The following OPA1 variants were observed in gnomAD, a reference collection of about 807,000 sequenced individuals.
OPA1 encodes the protein dynamin-like GTPase OPA1, mitochondrial.
OPA1 carries 59 observed loss-of-function variants against 152.9 expected under a neutral mutation model. The ratio of observed to expected loss-of-function variants is 0.39; its 90% confidence interval spans 0.31 to 0.48. OPA1 has a LOEUF of 0.48. Ranked by LOEUF, OPA1 falls within the 20% of genes least tolerant of loss-of-function variation. OPA1 has a pLI of 0.96. For missense variants in OPA1, 1,008 were observed against 1,216.8 expected, an observed-to-expected ratio of 0.83 and a Z score of 2.55; for synonymous variants, 400 against 389.9, an observed-to-expected ratio of 1.03 and a Z score of -0.31.
At chr3:193,671,473 T>C (rs1282646231) in intron 29 of OPA1, among the ~76,000 whole-genome samples, 2 of 152,204 alleles carry the variant, frequency 1.3e-5, no homozygotes, top group African/African-American at 4.8e-5. Flanking sequence ...TAAAACTAAA[T>C]GCAATGTATG....
At chr3:193,685,458 C>T (rs1282267815) in intron 29 of OPA1, among the ~76,000 whole-genome samples, 1 of 152,100 alleles carries the variant, frequency 6.6e-6, no homozygotes, top group Admixed American at 6.6e-5. Flanking sequence ...TTTAAATAAT[C>T]ACCTTTAATG....
rs532439820 is a variant in OPA1, at chr3:193,593,264, C to T, written c.-114C>T. The T allele has an allele frequency of 1.3e-4, 143 of 1,119,970 alleles. No homozygotes were observed. In the African/African-American group the frequency reaches 2.1e-3, roughly 17 times the overall value. The allele number at this position is 1,119,970 out of a possible 1,614,324, so 69.4% of individuals were successfully genotyped here. A position where few individuals can be genotyped will look rare whatever the true frequency, so the allele number is the denominator to read the frequency against. ...AGGGCCTCGGCCGCGGCTCTGTGCC[C>T]TTGCTGCTGAGGGCCACTTCCTGGG... On this transcript the variant is annotated 5_prime_UTR_variant, in exon 1 of 31. Transcript: ENST00000361510.
At chr3:193,651,581 T>C (rs1289995379) in intron 21 of OPA1, among the ~76,000 whole-genome samples, 1 of 152,214 alleles carries the variant, frequency 6.6e-6, no homozygotes, top group East Asian at 1.9e-4. Flanking sequence ...GCAATTTATG[T>C]GTCCCATTTG....
At chr3:193,597,108 A>G (rs1455992699) in intron 1 of OPA1, among the ~76,000 whole-genome samples, 2 of 152,180 alleles carry the variant, frequency 1.3e-5, no homozygotes, top group South Asian at 2.1e-4. Context: ...GTGGATGGTA[A>G]TGGAGGAAAT....
At chr3:193,658,287 T>G (rs1714401026) in intron 23 of OPA1, among the ~76,000 whole-genome samples, 1 of 151,824 alleles carries the variant, frequency 6.6e-6, no homozygotes, top group African/African-American at 2.4e-5. Flanking sequence ...TATTTATTCT[T>G]GTTAAATGCC....
chr3:193,669,255 T>G (rs1717382882), intron 29 of OPA1, among the ~76,000 whole-genome samples: 1 of 152,228 alleles, frequency 6.6e-6, no homozygotes, highest in Non-Finnish European at 1.5e-5. Context: ...CTCCCTCTAG[T>G]AATAATCTAA....
At chr3:193,611,272 T>C (rs891364487) in intron 1 of OPA1, among the ~76,000 whole-genome samples, 3 of 152,160 alleles carry the variant, frequency 2.0e-5, no homozygotes, top group Non-Finnish European at 2.9e-5. Context: ...TTATTAGCCT[T>C]TTGAGGTTTT....
chr3:193,631,722 CTT>C (rs1732109498), intron 8 of OPA1, 57 bp downstream of exon 8: 1 of 1,436,946 alleles, frequency 7.0e-7, no homozygotes, highest in South Asian at 1.2e-5. Flanking sequence ...TCGAATGTAA[CTT>C]TGGTGATATG....
chr3:193,678,116 A>T (rs1327508720), intron 29 of OPA1, among the ~76,000 whole-genome samples: 3 of 152,184 alleles, frequency 2.0e-5, no homozygotes, highest in Non-Finnish European at 4.4e-5. Context: ...TCATTCATCT[A>T]TTCTCTAGTT....
intron 7 of OPA1, 24 bp downstream of exon 7, chr3:193,626,226 A>G (rs1187191488): frequency 2.6e-6 from 4 of 1,527,636 alleles, no homozygotes; most frequent in Admixed American, 1.7e-5. Flanking sequence ...TAAGGGGGCT[A>G]CCGATACATT....
intron 4 of OPA1, among the ~76,000 whole-genome samples, chr3:193,617,571 T>C (rs1729249494): frequency 6.6e-6 from 1 of 152,230 alleles, no homozygotes; most frequent in African/African-American, 2.4e-5. Context: ...TCCTATGTAT[T>C]TGCTTTTCAT....
rs758550565 is a variant in OPA1, at chr3:193,643,357, T to C, written c.1306-16T>C. 1 of 1,594,366 alleles carries C rather than the reference T, an allele frequency of 6.3e-7. No homozygotes were observed. Among genetic ancestry groups the C allele is most frequent in the South Asian group, 1.1e-5 (1 of 90,348 alleles). On this transcript the variant is annotated splice_polypyrimidine_tract_variant and intron_variant, in intron 13 of 30. Transcript: ENST00000361510. ...CCAAACTTTAGCATTGTTTTATTTT[T>C]ATTTTTCCTGAGTAGACCATATCCT...
intron 29 of OPA1, among the ~76,000 whole-genome samples, chr3:193,682,245 A>G (rs1245505393): frequency 6.6e-6 from 1 of 152,220 alleles, no homozygotes; most frequent in Non-Finnish European, 1.5e-5. Context: ...TCCTAACTCT[A>G]TTCAATTCTC....
chr3:193,687,844 G>A (rs1721122183), intron 29 of OPA1, among the ~76,000 whole-genome samples: 1 of 152,218 alleles, frequency 6.6e-6, no homozygotes, highest in African/African-American at 2.4e-5. Flanking sequence ...AAATCGGAAT[G>A]TAGTTTCTAA....
At chr3:193,667,312 A>G in intron 29 of OPA1, 32 bp downstream of exon 29, 1 of 915,210 alleles carries the variant, frequency 1.1e-6, no homozygotes, top group Non-Finnish European at 1.8e-6. Flanking sequence ...CTACCTTACT[A>G]CCTTTCCACC....
chr3:193,614,616 T>C, intron 1 of OPA1, 107 bp from the exon 2 acceptor site: 2 of 809,376 alleles, frequency 2.5e-6, no homozygotes, highest in Non-Finnish European at 4.4e-6. Flanking sequence ...ACATTGTGGT[T>C]AGTCACGTAT....
At chr3:193,685,742 C>T (rs574735292) in intron 29 of OPA1, among the ~76,000 whole-genome samples, 1 of 151,560 alleles carries the variant, frequency 6.6e-6, no homozygotes, top group South Asian at 2.1e-4. Flanking sequence ...GATTAATATC[C>T]AATAAATAAA....
At chr3:193,630,929 ATT>A (rs1041071004) in intron 7 of OPA1, among the ~76,000 whole-genome samples, 1 of 152,106 alleles carries the variant, frequency 6.6e-6, no homozygotes, top group African/African-American at 2.4e-5. Flanking sequence ...TGTGAGTTTT[ATT>A]TTTGTTTTAT....
At chr3:193,654,189 A>G (rs1232549951) in intron 21 of OPA1, among the ~76,000 whole-genome samples, 1 of 152,194 alleles carries the variant, frequency 6.6e-6, no homozygotes, top group African/African-American at 2.4e-5. Context: ...ATAATACTAC[A>G]CAGAAATAAA....
Sources: gnomAD v4.1 joint callset for allele counts (sites outside exome capture counted in the v4.1 genomes callset) on GRCh38, gnomAD v4.1.1 for gene constraint, MANE v1.5 for transcripts, NCBI Gene and HGNC (gene_info 2026-07-23, HGNC 2026-07-21) for gene names.